COL4A3: variants seen among roughly 807,000 people sequenced by gnomAD.
COL4A3 encodes collagen type IV alpha 3 chain.
Under a neutral mutation model 217.4 loss-of-function variants are expected in COL4A3, and 135 were observed. The ratio of observed to expected loss-of-function variants is 0.62; its 90% CI spans 0.54 to 0.72. The LOEUF (loss-of-function observed/expected upper bound fraction) is 0.72. Among genes scored for constraint, COL4A3 ranks in the 30% least tolerant of loss-of-function variants. COL4A3 has a pLI of 0.00. For synonymous variants in COL4A3, 690 were observed against 736.3 expected (o/e 0.94, Z 1.02); for missense variants, 1,868 against 2,119.9 (o/e 0.88, Z 2.33).
chr2:227,243,516 C>A (rs1441300780), intron 3 of COL4A3, among the ~76,000 whole-genome samples: 2 of 152,146 alleles, frequency 1.3e-5, no homozygotes, highest in Non-Finnish European at 2.9e-5. Flanking sequence ...AGCCATGCAC[C>A]CCGGAATTCC....
intron 27 of COL4A3, 123 bp from the exon 28 acceptor site, chr2:227,277,326 A>G: frequency 6.7e-6 from 3 of 445,604 alleles, no homozygotes; most frequent in Non-Finnish European, 1.2e-5. Flanking sequence ...CAACAGGAAA[A>G]AAAAAAAAAA....
chr2:227,238,908 T>TC (rs1420076678), intron 2 of COL4A3, among the ~76,000 whole-genome samples: 1 of 152,170 alleles, frequency 6.6e-6, no homozygotes, highest in Non-Finnish European at 1.5e-5. Context: ...ATTTATTGAG[T>TC]TTCTATTATT....
chr2:227,284,388 C>T, intron 34 of COL4A3, 43 bp downstream of exon 34: 1 of 1,595,120 alleles, frequency 6.3e-7, no homozygotes. Context: ...AGAGCTGATT[C>T]TCAGGCTAAT....
At chr2:227,215,832 T>C (rs1441382846) in intron 1 of COL4A3, among the ~76,000 whole-genome samples, 3 of 152,220 alleles carry the variant, frequency 2.0e-5, no homozygotes, top group Non-Finnish European at 4.4e-5. Context: ...CAGTGTATCA[T>C]AGCCTTAGCT....
In COL4A3 at chr2:227,307,763, G is replaced by GGATC. The variant is rs768458162; in HGVS notation, c.4307_4310dup (p.Pro1438IlefsTer73). ...TTTGAAAGGAAAACGTGGAGACAGT[G>GGATC]GATCACCTGCAACCTGGACAACGAG... On this transcript the variant is annotated frameshift_variant, in exon 48 of 52. Transcript: ENST00000396578. LOFTEE classifies it high-confidence loss of function. 1 of 1,614,194 alleles carries GGATC rather than the reference G, an allele frequency of 6.2e-7. No individual in the cohort carries two copies. The highest frequency in any genetic ancestry group is 8.5e-7 in the Non-Finnish European group (1 of 1,180,040).
intron 23 of COL4A3, among the ~76,000 whole-genome samples, chr2:227,269,050 C>CA (rs1433103759): frequency 1.3e-5 from 2 of 151,926 alleles, no homozygotes; most frequent in African/African-American, 2.4e-5. Context: ...CAAGATCTTG[C>CA]AAAAAATAGA....
intron 1 of COL4A3, among the ~76,000 whole-genome samples, chr2:227,230,554 G>A (rs571115832): frequency 3.3e-5 from 5 of 152,164 alleles, no homozygotes; most frequent in Non-Finnish European, 7.4e-5. Flanking sequence ...TTTAACAGTT[G>A]AATAGTAATG....
chr2:227,283,732 A>G, intron 32 of COL4A3, 35 bp from the exon 33 acceptor site: 1 of 1,569,458 alleles, frequency 6.4e-7, no homozygotes, highest in South Asian at 1.1e-5. Context: ...CACTCTGTAC[A>G]ACACGTGCTG....
intron 1 of COL4A3, among the ~76,000 whole-genome samples, chr2:227,214,220 G>A (rs1157795261): frequency 1.3e-5 from 2 of 152,128 alleles, no homozygotes; most frequent in South Asian, 4.1e-4. Flanking sequence ...TGTCTGTGTG[G>A]AGTCTAAATA....
chr2:227,261,673 C>T (rs749127802), intron 20 of COL4A3, among the ~76,000 whole-genome samples: 23 of 152,116 alleles, frequency 1.5e-4, no homozygotes, highest in African/African-American at 3.4e-4. Context: ...CTTTATTGTC[C>T]GGGATTTTTA....
chr2:227,268,126 A>G (rs1410726167), intron 23 of COL4A3, among the ~76,000 whole-genome samples: 2 of 152,206 alleles, frequency 1.3e-5, no homozygotes, highest in African/African-American at 4.8e-5. Context: ...CAATGTCATC[A>G]AATTATGTAT....
At position 227,250,190 on chromosome 2, in the gene COL4A3, G is replaced by A. The variant is rs1032858478; in HGVS notation, c.547-950G>A. On this transcript the variant is annotated intron_variant, in intron 9 of 51. Transcript: ENST00000396578. This position sits in a 1 kb window ranked among gnomAD's most constrained non-coding sequence, Gnocchi z 4.1. ...TAGCCAGGTGTGGTGGCGTGCGCCT[G>A]TAGTTCCAGCTACTTGGGAGGCTGA... Among the ~76,000 whole-genome samples the A allele has an allele frequency of 4.6e-5, 7 of 152,148 alleles. No homozygotes were observed. The highest frequency in any genetic ancestry group is 1.7e-4 in the African/African-American group (7 of 41,438).
chr2:227,198,099 T>A (rs987203490), intron 1 of COL4A3, among the ~76,000 whole-genome samples: 2 of 152,240 alleles, frequency 1.3e-5, no homozygotes, highest in African/African-American at 4.8e-5. Context: ...AGGCCCCGCT[T>A]GCCAGCTTGT....
At chr2:227,276,242 C>G (rs1028911931) in intron 26 of COL4A3, 143 bp from the exon 27 acceptor site, 6 of 689,682 alleles carry the variant, frequency 8.7e-6, no homozygotes, top group Non-Finnish European at 1.6e-5. Flanking sequence ...CGTCCTTAAG[C>G]TAGTTTTGAA....
intron 1 of COL4A3, among the ~76,000 whole-genome samples, chr2:227,195,902 A>G (rs1192096594): frequency 1.0e-5 from 1 of 95,620 alleles, no homozygotes. Flanking sequence ...TTGTGTCTGT[A>G]TTCTTAACAA....
At chr2:227,204,492 AG>A in intron 1 of COL4A3, among the ~76,000 whole-genome samples, 1 of 152,266 alleles carries the variant, frequency 6.6e-6, no homozygotes, top group South Asian at 2.1e-4. Flanking sequence ...GATGATGCTC[AG>A]GGTTAGACTC....
At chr2:227,258,167 G>A (rs1336169886) in intron 18 of COL4A3, among the ~76,000 whole-genome samples, 1 of 152,200 alleles carries the variant, frequency 6.6e-6, no homozygotes, top group South Asian at 2.1e-4. Context: ...AAAGGAGAAA[G>A]GGGACCCGGA....
At chr2:227,311,424 G>C (rs972590935) in intron 51 of COL4A3, among the ~76,000 whole-genome samples, 13 of 151,316 alleles carry the variant, frequency 8.6e-5, no homozygotes, top group African/African-American at 3.2e-4. Context: ...CTGTTGCCCA[G>C]GCTGGAGTGC....
chr2:227,197,227 G>T (rs1475128561), intron 1 of COL4A3, among the ~76,000 whole-genome samples: 2 of 151,870 alleles, frequency 1.3e-5, no homozygotes. Context: ...TTGTTTGTTT[G>T]TTTTTTTGAG....
Sources: gnomAD v4.1 joint callset for allele counts (sites outside exome capture counted in the v4.1 genomes callset) on GRCh38, gnomAD v4.1.1 for gene constraint, Gnocchi (gnomAD v3.1) non-coding constraint, MANE v1.5 for transcripts, NCBI Gene and HGNC (gene_info 2026-07-23, HGNC 2026-07-21) for gene names.